Variants in ETV1 observed in about 807,000 individuals in gnomAD.
ETV1 encodes the protein ETS variant transcription factor 1, also known as ETS translocation variant 1.
ETV1 carries 27 observed loss-of-function variants against 62.3 expected under a neutral mutation model. The observed-to-expected ratio is 0.43, with a 90% CI of 0.32 to 0.60. ETV1 has a LOEUF of 0.60. Ranked by LOEUF, ETV1 falls within the 20% of genes least tolerant of loss-of-function variation. The pLI is 0.06. For missense variants in ETV1, 605 were observed against 605.8 expected, an observed-to-expected ratio of 1.00 and a Z score of 0.01; for synonymous variants, 222 against 199.6, an observed-to-expected ratio of 1.11 and a Z score of -0.94.
At chr7:13,959,732 A>G (rs1290116756) in intron 6 of ETV1, among the ~76,000 whole-genome samples, 1 of 151,860 alleles carries the variant, frequency 6.6e-6, no homozygotes, top group Admixed American at 6.6e-5. Flanking sequence ...AAAAATACAA[A>G]AAGTAGCCAG....
rs1050947563 is a variant in ETV1, at chr7:13,894,836, G to T, written c.*1030C>A. On this transcript the variant is annotated 3_prime_UTR_variant, in exon 14 of 14. Transcript: ENST00000430479. Reference sequence around the variant, plus strand: ...TAAAAGGTTTAAATGCATATCAATGGGTACCATGTCTAAAAATTACTATAG... The same window carrying T: ...TAAAAGGTTTAAATGCATATCAATGTGTACCATGTCTAAAAATTACTATAG... The T allele has an allele frequency of 5.6e-5, 13 of 232,516 alleles. No individual in the cohort carries two copies. The highest frequency in any genetic ancestry group is 2.4e-4 in the African/African-American group (11 of 45,340). The allele number at this position is 232,516 out of a possible 1,614,324, so 14.4% of individuals were successfully genotyped here.
chr7:13,913,945 C>G (rs954004248), intron 9 of ETV1, among the ~76,000 whole-genome samples: 1 of 132,190 alleles, frequency 7.6e-6, no homozygotes, highest in South Asian at 2.5e-4. Flanking sequence ...AGTGCAGTGC[C>G]GTGATCTCAG....
At position 13,911,321 on chromosome 7, in the gene ETV1, C is replaced by A; in HGVS notation, c.803-14G>T. 1 of 1,596,128 alleles carries A rather than the reference C, an allele frequency of 6.3e-7. No homozygotes were observed. The highest frequency in any genetic ancestry group is 1.7e-5 in the Admixed American group (1 of 59,584). ...AGCTAGGCACTTCTGAAAGAGGAAA[C>A]AATATTGGTCAAAAAGAGTCTGGAG... On this transcript the variant is annotated splice_polypyrimidine_tract_variant and intron_variant, in intron 9 of 13. Transcript: ENST00000430479.
chr7:13,991,037 G>A (rs1583929003), upstream of ETV1: 2 of 152,342 alleles, frequency 1.3e-5, no homozygotes, highest in East Asian at 1.9e-4. Flanking sequence ...CTTATTACTG[G>A]GAAAACAACC....
upstream of ETV1, chr7:13,989,836 G>A (rs1278539891): frequency 2.6e-6 from 1 of 378,198 alleles, no homozygotes. Flanking sequence ...TCGCCCCTCT[G>A]CCCTAGGGGG....
intron 6 of ETV1, among the ~76,000 whole-genome samples, chr7:13,962,201 A>G (rs955682524): frequency 5.5e-5 from 8 of 145,724 alleles, no homozygotes; most frequent in African/African-American, 2.2e-4. Context: ...ACACACACAC[A>G]CGTGTGTGTG....
At chr7:13,968,911 C>G (rs1038090325) in intron 6 of ETV1, among the ~76,000 whole-genome samples, 3 of 152,062 alleles carry the variant, frequency 2.0e-5, no homozygotes, top group Admixed American at 2.0e-4. Context: ...AAAATTCTTG[C>G]AAGAGAGCCT....
In ETV1 at chr7:13,931,496, G is replaced by C. The variant is rs768241923; in HGVS notation, c.802+6C>G. On this transcript the variant is annotated splice_donor_region_variant and intron_variant, in intron 9 of 13. Transcript: ENST00000430479. ...TGAATGTAATTTGCGCAGAGCGCAG[G>C]CCTACCTGAGTCATATGCAAAATCT... The C allele has an allele frequency of 2.5e-6, 4 of 1,613,784 alleles. No individual in the cohort carries two copies. In the Admixed American group the frequency reaches 5.0e-5, roughly 20 times the overall value.
chr7:13,932,501 A>G (rs565848318), intron 8 of ETV1, among the ~76,000 whole-genome samples: 4 of 152,212 alleles, frequency 2.6e-5, no homozygotes, highest in East Asian at 1.9e-4. Context: ...TGAAAATAAC[A>G]TATAGTGTTG....
At chr7:13,989,693 C>G (rs1299180643), upstream of ETV1, 1 of 398,416 alleles carries the variant, frequency 2.5e-6, no homozygotes. Context: ...GTGGTTTTTC[C>G]TCTACTTCTC....
chr7:13,921,398 A>G (rs971082488), intron 9 of ETV1, among the ~76,000 whole-genome samples: 1 of 152,196 alleles, frequency 6.6e-6, no homozygotes, highest in African/African-American at 2.4e-5. Flanking sequence ...TTGAAGAGTC[A>G]ATCCTATCCT....
chr7:13,898,286 G>A (rs1369928350), intron 13 of ETV1, among the ~76,000 whole-genome samples: 2 of 152,114 alleles, frequency 1.3e-5, no homozygotes, highest in Non-Finnish European at 2.9e-5. Context: ...AAGTAAACAA[G>A]GAGATAGCTT....
chr7:13,941,397 G>GA (rs1477212381), intron 6 of ETV1, among the ~76,000 whole-genome samples: 1 of 152,058 alleles, frequency 6.6e-6, no homozygotes, highest in Non-Finnish European at 1.5e-5. Flanking sequence ...AAATACTCTA[G>GA]AAAAAATAAT....
At chr7:13,902,006 GTA>G (rs1390617071) in intron 12 of ETV1, among the ~76,000 whole-genome samples, 1 of 152,146 alleles carries the variant, frequency 6.6e-6, no homozygotes, top group African/African-American at 2.4e-5. Flanking sequence ...AGCCAAAGCA[GTA>G]TACAGAATAG....
chr7:13,955,341 T>C (rs1789294053), intron 6 of ETV1, among the ~76,000 whole-genome samples: 1 of 152,214 alleles, frequency 6.6e-6, no homozygotes, highest in Non-Finnish European at 1.5e-5. Flanking sequence ...TAAGGGGAGA[T>C]GTATGACATA....
chr7:13,939,257 G>C lies in ETV1; in HGVS notation c.236-11C>G, dbSNP rs905913886. ...GGCCATGAAAAGCCACTAGAAAAAA[G>C]AACAAAAATATCCACAAAAATTAAA... On this transcript the variant is annotated splice_polypyrimidine_tract_variant and intron_variant, in intron 6 of 13. Transcript: ENST00000430479. 6.3e-7 allele frequency: 1 copy of C among 1,596,220 alleles called. No individual in the cohort carries two copies.
At chr7:13,964,051 T>C (rs190865241) in intron 6 of ETV1, among the ~76,000 whole-genome samples, 11 of 152,146 alleles carry the variant, frequency 7.2e-5, no homozygotes, top group African/African-American at 2.6e-4. Context: ...GACATCCAGC[T>C]ATTTGGCTTT....
chr7:13,964,916 A>C (rs911663279), intron 6 of ETV1, among the ~76,000 whole-genome samples: 33 of 152,152 alleles, frequency 2.2e-4, no homozygotes, highest in African/African-American at 8.0e-4. Flanking sequence ...TCATCTTTAA[A>C]TTAAAGGTGT....
At chr7:13,974,426 T>C (rs1781202635) in intron 6 of ETV1, among the ~76,000 whole-genome samples, 1 of 152,186 alleles carries the variant, frequency 6.6e-6, no homozygotes, top group South Asian at 2.1e-4. Context: ...GAAATAGGAC[T>C]CTGTCCTGCA....
Sources: gnomAD v4.1 joint callset for allele counts (sites outside exome capture counted in the v4.1 genomes callset) on GRCh38, gnomAD v4.1.1 for gene constraint, MANE v1.5 for transcripts, NCBI Gene and HGNC (gene_info 2026-07-23, HGNC 2026-07-21) for gene names.